The following PCDHGB2 variants were observed in gnomAD, a reference collection of about 807,000 sequenced individuals.
PCDHGB2 encodes the protein protocadherin gamma subfamily B, 2, also known as protocadherin gamma-B2.
In PCDHGB2, 55 loss-of-function variants were observed where a neutral mutation model predicts 59.3. That is an observed-to-expected ratio of 0.93 (90% CI 0.75 to 1.16). PCDHGB2 has a LOEUF of 1.16. Ranked by LOEUF, PCDHGB2 falls within the 50% of genes most tolerant of loss-of-function variation. The pLI, the probability that PCDHGB2 is intolerant of heterozygous loss-of-function variation, is 0.00. For synonymous variants in PCDHGB2, 516 were observed against 512.0 expected, an observed-to-expected ratio of 1.01 and a Z score of -0.11; for missense variants, 1,228 against 1,198.5, an observed-to-expected ratio of 1.02 and a Z score of -0.36.
At chr5:141,423,994 A>G (rs2096794168) in intron 1 of PCDHGB2, 17 of 1,081,216 alleles carry the variant, frequency 1.6e-5, no homozygotes, top group Non-Finnish European at 1.8e-5. Flanking sequence ...TCAATTTATT[A>G]TATATAGATA....
intron 3 of PCDHGB2, among the ~76,000 whole-genome samples, chr5:141,507,479 C>T (rs1050741571): frequency 1.3e-5 from 2 of 152,198 alleles, no homozygotes; most frequent in East Asian, 1.9e-4. Flanking sequence ...GACTGCTGGC[C>T]TCCTGAGGCA....
intron 1 of PCDHGB2, chr5:141,393,900 G>A (rs1048161107): frequency 3.7e-6 from 6 of 1,613,906 alleles, no homozygotes; most frequent in South Asian, 1.1e-5. Flanking sequence ...TTCTCTTCCC[G>A]GGACAGTAAT....
chr5:141,382,985 G>A (rs769787880), intron 1 of PCDHGB2: 50 of 1,613,304 alleles, frequency 3.1e-5, no homozygotes, highest in Non-Finnish European at 4.2e-5. Flanking sequence ...GCCTGGGCAG[G>A]ACGTATTCTC....
chr5:141,366,032 C>T (rs754474451), intron 1 of PCDHGB2: 3 of 1,614,266 alleles, frequency 1.9e-6, no homozygotes, highest in South Asian at 2.2e-5. Context: ...CCCCGCCCTC[C>T]CCACAGACGG....
chr5:141,496,140 T>C (rs1172903212), intron 2 of PCDHGB2, among the ~76,000 whole-genome samples: 1 of 152,006 alleles, frequency 6.6e-6, no homozygotes, highest in Admixed American at 6.6e-5. Flanking sequence ...CACTGAGCCT[T>C]TGATCGCAGC....
rs1761787404 is a variant in PCDHGB2 at position 141,360,887 on chromosome 5, T to C, written c.752T>C (p.Leu251Pro). The C allele has an allele frequency of 2.5e-6, 4 of 1,613,900 alleles. No individual in the cohort carries two copies. The South Asian group carries it at 4.4e-5, about 18-fold the overall frequency. ...VFSQDVYRVT[L>P]REDVPPGFFV... ...AGCCAGGACGTGTACAGGGTCACCC[T>C]GAGGGAGGACGTGCCGCCGGGCTTC... Residue 251 changes from leucine to proline, a missense_variant, in exon 1 of 4, where the codon CTG (leucine) becomes CCG (proline). Physicochemically the swap from Leu to Pro is moderately conservative, Grantham distance 98 (BLOSUM62 -3). Around this residue, in one of 3 missense-constraint regions of PCDHGB2, gnomAD observed 781 missense variants for 721.6 expected, o/e 1.08. Transcript: ENST00000522605.
At chr5:141,457,107 A>G (rs2098908740) in intron 1 of PCDHGB2, among the ~76,000 whole-genome samples, 1 of 152,260 alleles carries the variant, frequency 6.6e-6, no homozygotes, top group African/African-American at 2.4e-5. Flanking sequence ...ATTAAGCAAA[A>G]TACGACAGCA....
intron 1 of PCDHGB2, chr5:141,417,977 G>A (rs752463782): frequency 6.2e-7 from 1 of 1,613,872 alleles, no homozygotes; most frequent in Admixed American, 1.7e-5. Flanking sequence ...GATTCCGGAG[G>A]AGCTGGCCAA....
At chr5:141,405,049 C>A in intron 1 of PCDHGB2, 2 of 1,613,936 alleles carry the variant, frequency 1.2e-6, no homozygotes, top group South Asian at 2.2e-5. Flanking sequence ...CTGTGGCAGT[C>A]GTCTCCTGTG....
At chr5:141,375,118 A>T in intron 1 of PCDHGB2, 1 of 1,613,984 alleles carries the variant, frequency 6.2e-7, no homozygotes, top group Non-Finnish European at 8.5e-7. Context: ...ATAATGTACC[A>T]GAAGTGGTTG....
At position 141,415,772 on chromosome 5, in the gene PCDHGB2, T is replaced by A. The variant is rs540545854; in HGVS notation, c.2421+53216T>A. On this transcript the variant is annotated intron_variant, in intron 1 of 3. Coordinates refer to ENST00000522605, the MANE Select transcript of PCDHGB2 (RefSeq NM_018923.3). ...TTTTTTTTTTTTTTTTTTTTTTTTT[T>A]ACTTTCTGGTAAAATTCACCTAGTC... is the stretch of plus-strand genomic sequence containing the variant. 5,409 of 1,336,512 alleles carry A rather than the reference T, an allele frequency of 4.0e-3. 27 individuals carry two copies. The highest frequency in any genetic ancestry group is 7.3e-3 in the Admixed American group (200 of 27,462). 82.8% of individuals were successfully genotyped at this position (1,336,512 alleles called of 1,614,324 possible).
chr5:141,489,339 C>T lies in PCDHGB2; in HGVS notation c.2422-5468C>T. 6.2e-7 allele frequency: 1 copy of T among 1,608,828 alleles called. No individual in the cohort carries two copies. On this transcript the variant is annotated intron_variant, in intron 1 of 3. Transcript: ENST00000522605. The surrounding 1 kb of genome is among the most constrained non-coding windows in gnomAD (Gnocchi z 4.5). ...GCTGGGTGTCTGGGCAGCTTCGTTA[C>T]TCAGTGGTGGAGGAGTCTGAGCCGG...
chr5:141,421,869 A>G lies in PCDHGB2; in HGVS notation c.2421+59313A>G, dbSNP rs200015978. 1.5e-5 allele frequency: 24 copies of G among 1,613,732 alleles called. No individual in the cohort carries two copies. The African/African-American group carries it at 3.1e-4, about 21-fold the overall frequency. ...AGGCTGCTCACCTGCTCCTCCTCAC[A>G]GCTTTAGATGGAGGCGATCCCATCC... On this transcript the variant is annotated intron_variant, in intron 1 of 3. Transcript: ENST00000522605.
chr5:141,399,713 A>C (rs1353862646), intron 1 of PCDHGB2: 1 of 1,613,326 alleles, frequency 6.2e-7, no homozygotes, highest in Non-Finnish European at 8.5e-7. Context: ...CTCACACTAC[A>C]GGCCCGCGAC....
chr5:141,408,865 A>T (rs765751172), intron 1 of PCDHGB2: 9 of 1,613,684 alleles, frequency 5.6e-6, no homozygotes, highest in Admixed American at 1.7e-5. Flanking sequence ...GGGACCCACC[A>T]AGAAGTGCCA....
rs752171326 is a variant in PCDHGB2 at position 141,395,310 on chromosome 5, A to C, written c.2421+32754A>C. The stretch of plus-strand genomic sequence containing the variant: ...TGGCATAAATTATGTTTTGAAAAAC[A>C]TTGTGAAGATAGTTGAAAATAATTT... On this transcript the variant is annotated intron_variant, in intron 1 of 3. Transcript: ENST00000522605. The C allele has an allele frequency of 3.3e-6, 5 of 1,502,410 alleles. No homozygotes were observed. In the East Asian group the frequency reaches 1.1e-4, roughly 34 times the overall value. 93.1% of individuals were successfully genotyped at this position (1,502,410 alleles called of 1,614,324 possible).
At chr5:141,456,404 G>A (rs935040352) in intron 1 of PCDHGB2, among the ~76,000 whole-genome samples, 4 of 152,104 alleles carry the variant, frequency 2.6e-5, no homozygotes, top group Non-Finnish European at 4.4e-5. Flanking sequence ...TTGCTTCTAG[G>A]CGAGAAGAAA....
rs1421124374 is a variant in PCDHGB2, at chr5:141,431,186, A to G, written c.2422-63621A>G. The G allele has an allele frequency of 1.9e-6, 3 of 1,614,110 alleles. No individual in the cohort carries two copies. ...TGAAAGTGAATTAGAAATAAAAATT[A>G]GTGAAAATGCAGCCACTGAGATGCG... On this transcript the variant is annotated intron_variant, in intron 1 of 3. Transcript: ENST00000522605. This position sits in a 1 kb window ranked among gnomAD's most constrained non-coding sequence, Gnocchi z 4.8.
intron 1 of PCDHGB2, among the ~76,000 whole-genome samples, chr5:141,449,331 G>T (rs1054980032): frequency 3.3e-5 from 5 of 151,950 alleles, no homozygotes; most frequent in Admixed American, 3.3e-4. Flanking sequence ...TGTAGGCCAG[G>T]TGCAGTGGCT....
Sources: allele counts gnomAD v4.1 joint callset (sites outside exome capture counted in the v4.1 genomes callset), GRCh38; gene constraint gnomAD v4.1.1; regional missense constraint gnomAD v4.1.1; non-coding constraint Gnocchi (gnomAD v3.1); transcripts MANE v1.5; gene names NCBI Gene and HGNC (gene_info 2026-07-23, HGNC 2026-07-21).